ELF2: variants seen among roughly 807,000 people sequenced by gnomAD.
The protein encoded by ELF2 is ETS-related transcription factor Elf-2.
A neutral mutation model predicts 54.8 loss-of-function variants in ELF2; 11 were observed. The observed-to-expected ratio is 0.20, with a 90% CI of 0.13 to 0.33. ELF2 has a LOEUF of 0.33. ELF2 is among the 10% of genes least tolerant of loss of function. The pLI, the probability that ELF2 is intolerant of heterozygous loss-of-function variation, is 1.00. For synonymous variants in ELF2, 203 were observed against 245.1 expected (o/e 0.83, Z 1.61); for missense variants, 513 against 703.0 (o/e 0.73, Z 3.06).
At chr4:139,176,403 C>G (rs970544365) in intron 1 of ELF2, among the ~76,000 whole-genome samples, 5 of 152,074 alleles carry the variant, frequency 3.3e-5, no homozygotes, top group Non-Finnish European at 7.4e-5. Flanking sequence ...CAGCGCCCCC[C>G]CCCGCCTGCC....
chr4:139,114,884 C>A, intron 4 of ELF2: 4 of 1,607,606 alleles, frequency 2.5e-6, no homozygotes, highest in Non-Finnish European at 3.4e-6. Context: ...GGTTGGGGGG[C>A]AGCGATTGTC....
intron 4 of ELF2, among the ~76,000 whole-genome samples, chr4:139,081,126 A>G (rs988654511): frequency 2.6e-5 from 4 of 152,068 alleles, no homozygotes; most frequent in East Asian, 1.9e-4. Flanking sequence ...TAGATCCTCA[A>G]CTCTTCAGGG....
intron 4 of ELF2, among the ~76,000 whole-genome samples, chr4:139,112,890 G>T (rs565883798): frequency 1.3e-5 from 2 of 151,580 alleles, no homozygotes; most frequent in African/African-American, 4.8e-5. Flanking sequence ...ACAAGACTCC[G>T]TATCAAAAAA....
chr4:139,084,199 C>G (rs1560789423), intron 4 of ELF2: 2 of 1,613,210 alleles, frequency 1.2e-6, no homozygotes, highest in South Asian at 1.1e-5. Flanking sequence ...ATGTTTATCC[C>G]GGGGCTGGAG....
In ELF2 at chr4:139,139,506, G is replaced by A. The variant is rs1232161504; in HGVS notation, c.-251-9C>T. 20 of 1,221,170 alleles carry A rather than the reference G, an allele frequency of 1.6e-5. No individual in the cohort carries two copies. The East Asian group carries it at 3.5e-4, about 22-fold the overall frequency. The allele number at this position is 1,221,170 out of a possible 1,614,324, so 75.6% of individuals were successfully genotyped here. On this transcript the variant is annotated splice_polypyrimidine_tract_variant and intron_variant, in intron 1 of 9. Transcript: ENST00000686138. ...CCAGTAGTTCTTTGGAACTGCCAGC[G>A]GGAGGGGAAAAAAGATAATATTAAT...
At chr4:139,066,933 T>G (rs1050477221) in intron 7 of ELF2, 6 of 152,000 alleles carry the variant, frequency 3.9e-5, no homozygotes, top group Non-Finnish European at 7.4e-5. Context: ...ATTTATTGAT[T>G]GGAAAATTAA....
chr4:139,119,859 C>T (rs969301028), intron 4 of ELF2, among the ~76,000 whole-genome samples: 4 of 152,086 alleles, frequency 2.6e-5, no homozygotes, highest in African/African-American at 4.8e-5. Flanking sequence ...ACTGCAACCT[C>T]CACCTCCCGG....
intron 3 of ELF2, among the ~76,000 whole-genome samples, chr4:139,127,771 C>T (rs1470380058): frequency 6.6e-6 from 1 of 151,968 alleles, no homozygotes; most frequent in Non-Finnish European, 1.5e-5. Context: ...TCGAGACCAA[C>T]CTGGCCAATA....
In ELF2 at chr4:139,148,360, C is replaced by T. The variant is rs1739484680; in HGVS notation, c.-251-8863G>A. 3.9e-5 allele frequency among the ~76,000 whole-genome samples: 3 copies of T among 76,296 alleles called. No homozygotes were observed. The South Asian group carries it at 1.5e-3, about 39-fold the overall frequency. 50.1% of individuals were successfully genotyped at this position (76,296 alleles called of 152,430 possible). ...TTTTTTTTTTTTTGTAGAGACAGGG[C>T]TTCATTATGTTGCCCAGGCTGATCT... On this transcript the variant is annotated intron_variant, in intron 1 of 9. Coordinates refer to ENST00000686138, the MANE Select transcript of ELF2 (RefSeq NM_001331036.3).
At chr4:139,154,626 T>A (rs1455346302) in intron 1 of ELF2, among the ~76,000 whole-genome samples, 2 of 151,752 alleles carry the variant, frequency 1.3e-5, no homozygotes, top group African/African-American at 4.8e-5. Flanking sequence ...TACTAGGAAA[T>A]TCCTTGTGGG....
chr4:139,149,885 T>G (rs970776691), intron 1 of ELF2, among the ~76,000 whole-genome samples: 1 of 152,188 alleles, frequency 6.6e-6, no homozygotes, highest in African/African-American at 2.4e-5. Context: ...TAGAAAAATC[T>G]TGACAAAGAT....
chr4:139,099,572 A>G (rs572740728), intron 4 of ELF2, among the ~76,000 whole-genome samples: 1 of 152,222 alleles, frequency 6.6e-6, no homozygotes, highest in Non-Finnish European at 1.5e-5. Context: ...AACTACCACC[A>G]GGTGGCACCA....
chr4:139,140,083 C>A (rs935757349), intron 1 of ELF2, among the ~76,000 whole-genome samples: 1 of 152,148 alleles, frequency 6.6e-6, no homozygotes, highest in Non-Finnish European at 1.5e-5. Context: ...GCATATGCCA[C>A]CATGCTCAGG....
intron 4 of ELF2, among the ~76,000 whole-genome samples, chr4:139,075,172 T>C (rs1455076123): frequency 6.6e-6 from 1 of 152,250 alleles, no homozygotes; most frequent in African/African-American, 2.4e-5. Context: ...GCTTTGCTGA[T>C]TATGTTACTT....
chr4:139,158,726 G>A (rs549659562), intron 1 of ELF2, among the ~76,000 whole-genome samples: 89 of 152,250 alleles, frequency 5.8e-4, no homozygotes, highest in African/African-American at 1.9e-3. Context: ...GGTATTAAAG[G>A]ACTAAGAATT....
intron 1 of ELF2, among the ~76,000 whole-genome samples, chr4:139,151,043 A>AGAAAGAAAGAAAGAAAGAAG (rs1739880538): frequency 2.7e-5 from 2 of 73,676 alleles, no homozygotes; most frequent in African/African-American, 8.5e-5. Context: ...AAAGAAAGAA[A>AGAAAGAAAGAAAGAAAGAAG]GAAAGAAAGA....
chr4:139,117,178 A>C (rs1280450694), intron 4 of ELF2, among the ~76,000 whole-genome samples: 5 of 152,240 alleles, frequency 3.3e-5, no homozygotes, highest in African/African-American at 1.2e-4. Context: ...AGAAGTAGGA[A>C]GCTACCAACC....
At chr4:139,160,651 T>C (rs761920565) in intron 1 of ELF2, among the ~76,000 whole-genome samples, 5 of 152,106 alleles carry the variant, frequency 3.3e-5, no homozygotes, top group Non-Finnish European at 5.9e-5. Flanking sequence ...TCACAAAATA[T>C]ACGGGAGATT....
chr4:139,166,482 T>C lies in ELF2; in HGVS notation c.-252+10485A>G, dbSNP rs565820394. 3.4e-4 allele frequency among the ~76,000 whole-genome samples: 52 copies of C among 152,346 alleles called. 1 individual carries two copies. Among genetic ancestry groups the C allele is most frequent in the Middle Eastern group, 3.4e-3 (1 of 294 alleles). ...TGTACGCTTAAATATACATTTCTAA[T>C]AACTTTAAGCTCAATGGACTAAAAA... On this transcript the variant is annotated intron_variant, in intron 1 of 9. Transcript: ENST00000686138.
Sources: allele counts gnomAD v4.1 joint callset (sites outside exome capture counted in the v4.1 genomes callset), GRCh38; gene constraint gnomAD v4.1.1; transcripts MANE v1.5; gene names NCBI Gene and HGNC (gene_info 2026-07-23, HGNC 2026-07-21).